Variants in ARHGAP24 observed in about 807,000 individuals in gnomAD.
The protein encoded by ARHGAP24 is Rho GTPase activating protein 24.
A neutral mutation model predicts 76.4 loss-of-function variants in ARHGAP24; 50 were observed. That is an observed-to-expected ratio of 0.65 (90% CI 0.52 to 0.83). ARHGAP24 has a LOEUF of 0.83. Among genes scored for constraint, ARHGAP24 ranks in the 40% least tolerant of loss-of-function variants. ARHGAP24 has a pLI of 0.00. For missense variants in ARHGAP24, 930 were observed against 914.2 expected, an observed-to-expected ratio of 1.02 and a Z score of -0.22; for synonymous variants, 345 against 323.3, an observed-to-expected ratio of 1.07 and a Z score of -0.72.
At chr4:85,793,956 T>C (rs903564491) in intron 3 of ARHGAP24, among the ~76,000 whole-genome samples, 3 of 152,214 alleles carry the variant, frequency 2.0e-5, no homozygotes, top group Admixed American at 6.5e-5. Flanking sequence ...TTGTGATTTA[T>C]TTAAGAGTAT....
intron 3 of ARHGAP24, among the ~76,000 whole-genome samples, chr4:85,876,501 T>A (rs1732945467): frequency 6.6e-6 from 1 of 152,170 alleles, no homozygotes. Flanking sequence ...ATCTCTGCTC[T>A]CAATCCCTTT....
chr4:85,691,678 C>G lies in ARHGAP24; in HGVS notation c.181-30207C>G, dbSNP rs72656229. Among the ~76,000 whole-genome samples the G allele has an allele frequency of 4.5e-3, 689 of 152,118 alleles. 2 individuals are homozygous for G. Among genetic ancestry groups the G allele is most frequent in the Middle Eastern group, 0.024 (7 of 294 alleles). On this transcript the variant is annotated intron_variant, in intron 2 of 9. Coordinates refer to ENST00000395184, the MANE Select transcript of ARHGAP24 (RefSeq NM_001025616.3). ...TAGTGACCCTTGCTCTTTTTGTTTT[C>G]CATATGTATGATACATCTTTCTCCA...
chr4:85,555,546 CCT>C lies in ARHGAP24; in HGVS notation c.-20-14971_-20-14970del, dbSNP rs1726322986. On this transcript the variant is annotated intron_variant, in intron 1 of 9. Transcript: ENST00000395184. Reference sequence around the variant, plus strand: ...ATTTCCTCATGACTGCGATATGCTCCCTCTCTGTGCTCTAAGAGTGTGGAATC... The same window carrying C: ...ATTTCCTCATGACTGCGATATGCTCCCTCTGTGCTCTAAGAGTGTGGAATC... Among the ~76,000 whole-genome samples the C allele has an allele frequency of 2.6e-5, 4 of 152,302 alleles. No individual in the cohort carries two copies. The South Asian group carries it at 8.3e-4, about 32-fold the overall frequency.
intron 5 of ARHGAP24, among the ~76,000 whole-genome samples, chr4:85,951,853 AC>A (rs1737635127): frequency 6.6e-6 from 1 of 152,148 alleles, no homozygotes; most frequent in Non-Finnish European, 1.5e-5. Flanking sequence ...CTGACATTGT[AC>A]CTCTAATGTT....
chr4:85,719,304 A>G (rs1258000980), intron 2 of ARHGAP24, among the ~76,000 whole-genome samples: 1 of 152,172 alleles, frequency 6.6e-6, no homozygotes, highest in Non-Finnish European at 1.5e-5. Flanking sequence ...TAGATATGAT[A>G]AAAAGCAGGA....
chr4:85,883,705 C>G (rs183246728), intron 3 of ARHGAP24, among the ~76,000 whole-genome samples: 94 of 152,256 alleles, frequency 6.2e-4, no homozygotes, highest in South Asian at 2.7e-3. Context: ...GTGAGAGTTT[C>G]TGGAGAAATG....
At chr4:85,542,042 G>A (rs1725725085) in intron 1 of ARHGAP24, among the ~76,000 whole-genome samples, 1 of 152,082 alleles carries the variant, frequency 6.6e-6, no homozygotes. Context: ...AAGTAAAGAG[G>A]TGACCCTTCT....
intron 3 of ARHGAP24, among the ~76,000 whole-genome samples, chr4:85,897,853 G>A (rs1003448913): frequency 6.6e-6 from 1 of 151,966 alleles, no homozygotes; most frequent in Non-Finnish European, 1.5e-5. Context: ...AAAGAAGGAA[G>A]CAAGCAAGGG....
At chr4:85,744,028 A>T (rs1409417125) in intron 3 of ARHGAP24, among the ~76,000 whole-genome samples, 1 of 152,148 alleles carries the variant, frequency 6.6e-6, no homozygotes, top group Admixed American at 6.5e-5. Flanking sequence ...GGTGATTTTC[A>T]TCCTCCATAT....
intron 1 of ARHGAP24, among the ~76,000 whole-genome samples, chr4:85,486,023 G>A (rs756784725): frequency 1.1e-4 from 16 of 152,106 alleles, no homozygotes; most frequent in African/African-American, 1.7e-4. Context: ...ACAGGCTGCC[G>A]TGCCCAGTCA....
chr4:85,767,237 A>C (rs73833245), intron 3 of ARHGAP24, among the ~76,000 whole-genome samples: 2,260 of 152,270 alleles, frequency 0.015, 66 homozygotes, highest in African/African-American at 0.051. Context: ...TTCCTAGCTG[A>C]AGTCTTCAGG....
chr4:85,556,694 A>G (rs1366287849), intron 1 of ARHGAP24, among the ~76,000 whole-genome samples: 1 of 152,160 alleles, frequency 6.6e-6, no homozygotes, highest in Non-Finnish European at 1.5e-5. Flanking sequence ...GTGGGGACGC[A>G]TGTGGAAAAC....
At chr4:85,707,804 A>T (rs1724375120) in intron 2 of ARHGAP24, among the ~76,000 whole-genome samples, 1 of 152,182 alleles carries the variant, frequency 6.6e-6, no homozygotes, top group South Asian at 2.1e-4. Flanking sequence ...CTCAACCGGA[A>T]ATGAAAAGGA....
intron 3 of ARHGAP24, among the ~76,000 whole-genome samples, chr4:85,798,577 A>G (rs1728459248): frequency 6.6e-6 from 1 of 152,228 alleles, no homozygotes; most frequent in African/African-American, 2.4e-5. Flanking sequence ...GTCTGAGTTT[A>G]GTTAATAGTA....
chr4:85,937,457 T>C (rs1282059241), intron 4 of ARHGAP24, among the ~76,000 whole-genome samples: 6 of 152,222 alleles, frequency 3.9e-5, no homozygotes, highest in Non-Finnish European at 8.8e-5. Flanking sequence ...CTGGAGATTA[T>C]AGCAATAGCC....
At chr4:85,931,347 G>A (rs981966861) in intron 4 of ARHGAP24, among the ~76,000 whole-genome samples, 2 of 152,104 alleles carry the variant, frequency 1.3e-5, no homozygotes, top group African/African-American at 4.8e-5. Context: ...AGGGGCCAGA[G>A]TGATCTTGGG....
intron 2 of ARHGAP24, among the ~76,000 whole-genome samples, chr4:85,604,952 C>T (rs1282823645): frequency 1.3e-5 from 2 of 152,198 alleles, no homozygotes; most frequent in South Asian, 2.1e-4. Flanking sequence ...GATCTGCCCG[C>T]ATTGGCCTCC....
intron 8 of ARHGAP24, among the ~76,000 whole-genome samples, chr4:85,993,196 G>A (rs975422950): frequency 1.3e-5 from 2 of 152,112 alleles, no homozygotes; most frequent in East Asian, 1.9e-4. Context: ...CAGAAGCTCT[G>A]CATTGGGTGC....
chr4:85,508,535 G>GA (rs934598587), intron 1 of ARHGAP24, among the ~76,000 whole-genome samples: 2 of 152,146 alleles, frequency 1.3e-5, no homozygotes, highest in Non-Finnish European at 2.9e-5. Context: ...AGCCAAAAGA[G>GA]AAACACAATA....
Sources: gnomAD v4.1 joint callset for allele counts (sites outside exome capture counted in the v4.1 genomes callset) on GRCh38, gnomAD v4.1.1 for gene constraint, MANE v1.5 for transcripts, NCBI Gene and HGNC (gene_info 2026-07-23, HGNC 2026-07-21) for gene names.